The following RNF144A variants were observed in gnomAD, a reference collection of about 807,000 sequenced individuals.
RNF144A encodes the protein E3 ubiquitin-protein ligase RNF144A.
RNF144A carries 11 observed loss-of-function variants against 38.7 expected under a neutral mutation model. That is an observed-to-expected ratio of 0.28 (90% CI 0.18 to 0.47). RNF144A has a LOEUF of 0.47. Ranked by LOEUF, RNF144A falls within the 20% of genes least tolerant of loss-of-function variation. The pLI is 0.99. For missense variants in RNF144A, 316 were observed against 377.2 expected, an observed-to-expected ratio of 0.84 and a Z score of 1.34; for synonymous variants, 149 against 143.9, an observed-to-expected ratio of 1.04 and a Z score of -0.25.
intron 2 of RNF144A, among the ~76,000 whole-genome samples, chr2:6,966,040 C>T (rs1425708309): frequency 3.3e-5 from 5 of 152,188 alleles, no homozygotes; most frequent in Non-Finnish European, 5.9e-5. Flanking sequence ...TTGTTAGCCC[C>T]GACCTTTGCA....
intron 6 of RNF144A, among the ~76,000 whole-genome samples, chr2:7,063,527 G>A (rs1227567450): frequency 6.6e-6 from 1 of 152,164 alleles, no homozygotes; most frequent in South Asian, 2.1e-4. Context: ...CTTAATTTTA[G>A]AGCCGTTGTG....
chr2:6,929,475 A>G (rs1165130610), intron 1 of RNF144A, among the ~76,000 whole-genome samples: 2 of 152,152 alleles, frequency 1.3e-5, no homozygotes, highest in Non-Finnish European at 2.9e-5. Flanking sequence ...TCACTCTGGA[A>G]CTTTTCACTG....
chr2:6,923,424 C>G (rs1360774773), intron 1 of RNF144A, among the ~76,000 whole-genome samples: 1 of 152,162 alleles, frequency 6.6e-6, no homozygotes, highest in Non-Finnish European at 1.5e-5. Flanking sequence ...CCTGTGAGCC[C>G]GCGGGTTGAG....
At chr2:7,005,086 T>C (rs1395661610) in intron 3 of RNF144A, among the ~76,000 whole-genome samples, 1 of 152,224 alleles carries the variant, frequency 6.6e-6, no homozygotes, top group Non-Finnish European at 1.5e-5. Flanking sequence ...CGTCGTCAGA[T>C]TAAGAAGAAA....
At chr2:6,932,892 G>A (rs962569460) in intron 1 of RNF144A, among the ~76,000 whole-genome samples, 1 of 152,194 alleles carries the variant, frequency 6.6e-6, no homozygotes. Context: ...GAGAAGACAA[G>A]TGCAAAATAA....
At chr2:6,981,382 A>G (rs189603817) in intron 2 of RNF144A, among the ~76,000 whole-genome samples, 1 of 152,108 alleles carries the variant, frequency 6.6e-6, no homozygotes, top group East Asian at 1.9e-4. Flanking sequence ...CTCTTTGTGA[A>G]TGCATGTAAC....
intron 2 of RNF144A, among the ~76,000 whole-genome samples, chr2:6,985,762 T>C (rs2103370542): frequency 6.6e-6 from 1 of 152,298 alleles, no homozygotes; most frequent in East Asian, 1.9e-4. Context: ...AAGCTCCGCC[T>C]CCTGGGTTCA....
At position 7,042,705 on chromosome 2, in the gene RNF144A, A is replaced by G; in HGVS notation, c.*2945A>G. 1 of 985,502 alleles carries G rather than the reference A, an allele frequency of 1.0e-6. No homozygotes were observed. The highest frequency in any genetic ancestry group is 4.7e-5 in the South Asian group (1 of 21,292). 61.0% of individuals were successfully genotyped at this position (985,502 alleles called of 1,614,324 possible). On this transcript the variant is annotated 3_prime_UTR_variant, in exon 9 of 9. Coordinates refer to ENST00000320892, the MANE Select transcript of RNF144A (RefSeq NM_014746.6). ...GCCTCATAGGAGGTCAGCACCTTGCAAAGATGCAGTCACCATAGATGTCCA... is the reference window on the plus strand; with the variant it reads ...GCCTCATAGGAGGTCAGCACCTTGCGAAGATGCAGTCACCATAGATGTCCA...
At position 7,043,618 on chromosome 2, in the gene RNF144A, G is replaced by A. The variant is rs750707634; in HGVS notation, c.*3858G>A. 3 of 985,602 alleles carry A rather than the reference G, an allele frequency of 3.0e-6. No individual in the cohort carries two copies. The highest frequency in any genetic ancestry group is 3.6e-6 in the Non-Finnish European group (3 of 829,792). 61.1% of individuals were successfully genotyped at this position (985,602 alleles called of 1,614,324 possible). On this transcript the variant is annotated 3_prime_UTR_variant, in exon 9 of 9. Transcript: ENST00000320892. Reference sequence around the variant, plus strand: ...AAACAAAATGAAGGGATTATGACAGGTATTACCAAAAACACCAAAAGGAAC... The same window carrying A: ...AAACAAAATGAAGGGATTATGACAGATATTACCAAAAACACCAAAAGGAAC...
chr2:6,948,229 G>C (rs556140636), intron 2 of RNF144A, among the ~76,000 whole-genome samples: 2 of 152,276 alleles, frequency 1.3e-5, no homozygotes, highest in East Asian at 3.9e-4. Flanking sequence ...GCAGGAATTT[G>C]GGAGATCCAG....
chr2:7,019,019 T>C (rs115312137), intron 5 of RNF144A, among the ~76,000 whole-genome samples: 41 of 152,322 alleles, frequency 2.7e-4, no homozygotes, highest in African/African-American at 9.4e-4. Flanking sequence ...TCCAGATCAC[T>C]GTGTCTGCTT....
At position 6,943,304 on chromosome 2, in the gene RNF144A, G is replaced by A. The variant is rs2103301549; in HGVS notation, c.-12+2157G>A. ...AACCAGGGAGGAAGCGGGGGAACCA[G>A]GAGCATGGAGAGGACTGAGAATGGA... On this transcript the variant is annotated intron_variant, in intron 2 of 8. Transcript: ENST00000320892. The surrounding 1 kb of genome is among the most constrained non-coding windows in gnomAD (Gnocchi z 4.3). Among the ~76,000 whole-genome samples the A allele has an allele frequency of 6.6e-6, 1 of 152,340 alleles. No individual in the cohort carries two copies. The highest frequency in any genetic ancestry group is 2.1e-4 in the South Asian group (1 of 4,834).
chr2:7,063,477 TATAAG>T lies in RNF144A; in HGVS notation c.735-4737_735-4733del, dbSNP rs560854722. On this transcript the variant is annotated intron_variant, in intron 6 of 6. Coordinates refer to the RNF144A transcript ENST00000432850. Reference sequence around the variant, plus strand: ...TGGAAATGTCCAAAGATCAGGTAAATATAAGAGAACAAAGCTTAGGAAAGTAATTA... The same window carrying T: ...TGGAAATGTCCAAAGATCAGGTAAATAGAACAAAGCTTAGGAAAGTAATTA... 4.4e-3 allele frequency among the ~76,000 whole-genome samples: 672 copies of T among 152,186 alleles called. 2 individuals carry two copies. The highest frequency in any genetic ancestry group is 8.7e-3 in the South Asian group (42 of 4,818).
At chr2:6,976,313 G>A (rs1668310838) in intron 2 of RNF144A, among the ~76,000 whole-genome samples, 1 of 152,166 alleles carries the variant, frequency 6.6e-6, no homozygotes, top group Non-Finnish European at 1.5e-5. Flanking sequence ...TTGGGGAATG[G>A]CATCTTGATA....
At chr2:6,996,352 G>T (rs1190957233) in intron 2 of RNF144A, among the ~76,000 whole-genome samples, 2 of 152,162 alleles carry the variant, frequency 1.3e-5, no homozygotes, top group African/African-American at 4.8e-5. Context: ...TGGTTGGCAG[G>T]TGTCTTATTA....
At chr2:6,983,177 A>C (rs1189025052) in intron 2 of RNF144A, among the ~76,000 whole-genome samples, 1 of 152,198 alleles carries the variant, frequency 6.6e-6, no homozygotes, top group Non-Finnish European at 1.5e-5. Context: ...CCAGGAGGAC[A>C]TAGTGTTTGC....
downstream of RNF144A, among the ~76,000 whole-genome samples, chr2:7,046,391 C>T (rs143448325): frequency 5.8e-3 from 890 of 152,296 alleles, 12 homozygotes; most frequent in African/African-American, 0.02. Context: ...GCTGCTATAG[C>T]CAGGGAAGGC....
At chr2:7,075,979 C>T in the RNF144A span, among the ~76,000 whole-genome samples, 1 of 152,194 alleles carries the variant, frequency 6.6e-6, no homozygotes, top group Non-Finnish European at 1.5e-5. Context: ...AATCTCTGCT[C>T]CTTATTGTGT....
rs1558368345 is a variant in RNF144A, at chr2:6,941,684, T to C, written c.-12+537T>C. 1.3e-5 allele frequency among the ~76,000 whole-genome samples: 2 copies of C among 152,270 alleles called. No homozygotes were observed. The highest frequency in any genetic ancestry group is 2.9e-5 in the Non-Finnish European group (2 of 68,046). ...TGTAGAGAAAAGAAAAAGTAGACCA[T>C]GTCTAGTACGACGGGGCAGGTTGCA... On this transcript the variant is annotated intron_variant, in intron 2 of 8. Coordinates refer to ENST00000320892, the MANE Select transcript of RNF144A (RefSeq NM_014746.6). This position sits in a 1 kb window ranked among gnomAD's most constrained non-coding sequence, Gnocchi z 6.5.
Sources: allele counts gnomAD v4.1 joint callset (sites outside exome capture counted in the v4.1 genomes callset), GRCh38; gene constraint gnomAD v4.1.1; non-coding constraint Gnocchi (gnomAD v3.1); transcripts MANE v1.5; gene names NCBI Gene and HGNC (gene_info 2026-07-23, HGNC 2026-07-21).